Variants in EPS8 observed in about 807,000 individuals in gnomAD.
The protein encoded by EPS8 is EGFR pathway substrate 8, signaling adaptor.
A neutral mutation model predicts 103.8 loss-of-function variants in EPS8; 42 were observed. The observed-to-expected ratio is 0.40, with a 90% confidence interval of 0.32 to 0.52. EPS8 has a LOEUF of 0.52. Ranked by LOEUF, EPS8 falls within the 20% of genes least tolerant of loss-of-function variation. The probability of loss-of-function intolerance (pLI) is 0.40; values close to 1 mark genes in which losing one functional copy is unlikely to be tolerated. For synonymous variants in EPS8, 344 were observed against 344.6 expected (o/e 1.00, Z 0.02); for missense variants, 969 against 1,005.1 (o/e 0.96, Z 0.49).
intron 1 of EPS8, among the ~76,000 whole-genome samples, chr12:15,755,984 A>G (rs1339637698): frequency 6.6e-6 from 1 of 152,182 alleles, no homozygotes; most frequent in African/African-American, 2.4e-5. Flanking sequence ...GATTACTCTT[A>G]TATCTTCCTA....
chr12:15,727,471 G>T lies in EPS8; in HGVS notation c.-21-44499C>A, dbSNP rs981762338. On this transcript the variant is annotated intron_variant, in intron 1 of 20. Coordinates refer to ENST00000281172, the MANE Select transcript of EPS8 (RefSeq NM_004447.6). The surrounding 1 kb of genome is among the most constrained non-coding windows in gnomAD (Gnocchi z 4.3). ...CACTTTAATATTTCCTTTAATGTTG[G>T]TAGATACTAATAAATTTAACTTAAG... 6.6e-6 allele frequency among the ~76,000 whole-genome samples: 1 copy of T among 151,934 alleles called. No individual in the cohort carries two copies. Among genetic ancestry groups the T allele is most frequent in the African/African-American group, 2.4e-5 (1 of 41,340 alleles).
intron 10 of EPS8, 80 bp from the exon 11 acceptor site, chr12:15,658,665 T>C: frequency 2.1e-6 from 2 of 941,880 alleles, no homozygotes; most frequent in East Asian, 2.4e-5. Flanking sequence ...ACCACATTTA[T>C]GTCTGTAAAG....
In EPS8 at chr12:15,752,817, A is replaced by G. The variant is rs1288999372; in HGVS notation, c.-22+36344T>C. ...ATGCCTCTTTATATTTATCAGTCAC[A>G]TAACACCTTAAAAATACCTTTGAAT... On this transcript the variant is annotated intron_variant, in intron 1 of 20. Transcript: ENST00000281172. This position sits in a 1 kb window ranked among gnomAD's most constrained non-coding sequence, Gnocchi z 4.4. Among the ~76,000 whole-genome samples, 1 of 152,154 alleles carries G rather than the reference A, an allele frequency of 6.6e-6. No homozygotes were observed. Among genetic ancestry groups the G allele is most frequent in the African/African-American group, 2.4e-5 (1 of 41,412 alleles).
At chr12:15,768,021 TA>T (rs1465981730) in intron 1 of EPS8, among the ~76,000 whole-genome samples, 1 of 152,172 alleles carries the variant, frequency 6.6e-6, no homozygotes, top group East Asian at 1.9e-4. Context: ...TTAACCTAAG[TA>T]AAAACCAAAG....
chr12:15,683,999 A>G (rs1946052728), intron 1 of EPS8: 1 of 152,230 alleles, frequency 6.6e-6, no homozygotes, highest in Admixed American at 6.5e-5. Flanking sequence ...AGGTCCTGTG[A>G]TGGATATTGG....
At chr12:15,635,910 A>G (rs1945126114) in intron 17 of EPS8, among the ~76,000 whole-genome samples, 1 of 152,218 alleles carries the variant, frequency 6.6e-6, no homozygotes, top group Non-Finnish European at 1.5e-5. Context: ...CTGGACATTC[A>G]TAATTACTTG....
intron 1 of EPS8, among the ~76,000 whole-genome samples, chr12:15,685,687 C>G (rs1168708740): frequency 3.9e-5 from 6 of 152,134 alleles, no homozygotes; most frequent in African/African-American, 1.4e-4. Flanking sequence ...TCACTTATCA[C>G]GGCGGCTCAT....
chr12:15,742,992 T>C (rs1026052418), intron 1 of EPS8, among the ~76,000 whole-genome samples: 1 of 152,240 alleles, frequency 6.6e-6, no homozygotes, highest in Non-Finnish European at 1.5e-5. Flanking sequence ...GCAGATGACA[T>C]GATTGTCTAT....
At position 15,760,805 on chromosome 12, in the gene EPS8, T is replaced by A. The variant is rs557279456; in HGVS notation, c.-22+28356A>T. On this transcript the variant is annotated intron_variant, in intron 1 of 20. Coordinates refer to ENST00000281172, the MANE Select transcript of EPS8 (RefSeq NM_004447.6). This position sits in a 1 kb window ranked among gnomAD's most constrained non-coding sequence, Gnocchi z 4.5. ...GGAACAGAAAGAATATACCTTAACATAATAAAAGCCATATATGACAGTCCC... is the reference window on the plus strand; with the variant it reads ...GGAACAGAAAGAATATACCTTAACAAAATAAAAGCCATATATGACAGTCCC... Among the ~76,000 whole-genome samples the A allele has an allele frequency of 1.3e-5, 2 of 152,062 alleles. No homozygotes were observed. The highest frequency in any genetic ancestry group is 1.5e-5 in the Non-Finnish European group (1 of 67,972).
intron 15 of EPS8, among the ~76,000 whole-genome samples, chr12:15,646,754 AAG>A (rs1304500934): frequency 6.6e-6 from 1 of 152,190 alleles, no homozygotes; most frequent in East Asian, 1.9e-4. Context: ...TCATTGGGTG[AAG>A]ATAAAGATGG....
intron 3 of EPS8, among the ~76,000 whole-genome samples, chr12:15,677,689 G>T (rs1945933064): frequency 6.6e-6 from 1 of 152,176 alleles, no homozygotes; most frequent in South Asian, 2.1e-4. Flanking sequence ...TAACTTTCCA[G>T]TTAAGAAGAG....
intron 1 of EPS8, among the ~76,000 whole-genome samples, chr12:15,758,499 A>G (rs1239791604): frequency 6.6e-6 from 1 of 152,226 alleles, no homozygotes; most frequent in Non-Finnish European, 1.5e-5. Flanking sequence ...AGCACTTGAA[A>G]TGTTGCTGGT....
chr12:15,681,156 G>T, intron 3 of EPS8, 70 bp downstream of exon 3: 2 of 714,828 alleles, frequency 2.8e-6, no homozygotes, highest in Non-Finnish European at 4.7e-6. Flanking sequence ...TTCAAACCAT[G>T]AGTTTGAAAA....
At chr12:15,694,868 G>A (rs1946222283) in intron 1 of EPS8, among the ~76,000 whole-genome samples, 1 of 152,056 alleles carries the variant, frequency 6.6e-6, no homozygotes. Context: ...TGAAAATTGT[G>A]AAATTATAAT....
chr12:15,635,455 G>A (rs1490775090), intron 17 of EPS8, among the ~76,000 whole-genome samples: 2 of 152,052 alleles, frequency 1.3e-5, no homozygotes, highest in African/African-American at 4.8e-5. Context: ...TTGAAGAACT[G>A]AATATTATCA....
intron 1 of EPS8, chr12:15,683,555 T>A (rs1366919596): frequency 6.6e-6 from 1 of 152,214 alleles, no homozygotes; most frequent in Non-Finnish European, 1.5e-5. Context: ...CAAATGCACA[T>A]GGACACATCC....
At chr12:15,742,988 G>C (rs1248122188) in intron 1 of EPS8, among the ~76,000 whole-genome samples, 4 of 152,206 alleles carry the variant, frequency 2.6e-5, no homozygotes, top group Admixed American at 2.6e-4. Context: ...GTTTGCAGAT[G>C]ACATGATTGT....
At chr12:15,662,286 T>C (rs1945619552) in intron 8 of EPS8, 187 bp from the exon 9 acceptor site, 6 of 1,409,782 alleles carry the variant, frequency 4.3e-6, no homozygotes, top group Non-Finnish European at 4.6e-6. Flanking sequence ...ACAGGAGCAG[T>C]TGAGCAGAGC....
intron 12 of EPS8, among the ~76,000 whole-genome samples, chr12:15,655,279 G>A (rs1591824295): frequency 1.3e-5 from 2 of 152,028 alleles, no homozygotes; most frequent in Admixed American, 1.3e-4. Flanking sequence ...CCCAGCCTGC[G>A]TCCTCTAAAC....
Sources: allele counts gnomAD v4.1 joint callset (sites outside exome capture counted in the v4.1 genomes callset), GRCh38; gene constraint gnomAD v4.1.1; non-coding constraint Gnocchi (gnomAD v3.1); transcripts MANE v1.5; gene names NCBI Gene and HGNC (gene_info 2026-07-23, HGNC 2026-07-21).